RAB10: variants seen among roughly 807,000 people sequenced by gnomAD.
RAB10 encodes the protein RAB10, member RAS oncogene family.
A neutral mutation model predicts 25.7 loss-of-function variants in RAB10; 5 were observed. The observed-to-expected ratio is 0.19, with a 90% CI of 0.10 to 0.41. The LOEUF is 0.41. Among genes scored for constraint, RAB10 ranks in the 10% least tolerant of loss-of-function variants. The pLI, the probability that RAB10 is intolerant of heterozygous loss-of-function variation, is 1.00. For missense variants in RAB10, 103 were observed against 245.8 expected, an observed-to-expected ratio of 0.42 and a Z score of 3.89; for synonymous variants, 89 against 86.4, an observed-to-expected ratio of 1.03 and a Z score of -0.16.
intron 2 of RAB10, among the ~76,000 whole-genome samples, chr2:26,108,706 G>A (rs1667513500): frequency 6.6e-6 from 1 of 151,832 alleles, no homozygotes; most frequent in African/African-American, 2.4e-5. Flanking sequence ...AGTAATATAA[G>A]ATGTTATCAT....
At chr2:26,072,142 GGTGCGGTGGCTCACGCCT>G (rs1666640108) in intron 1 of RAB10, among the ~76,000 whole-genome samples, 1 of 152,168 alleles carries the variant, frequency 6.6e-6, no homozygotes, top group Non-Finnish European at 1.5e-5. Flanking sequence ...AACATGGCTG[GGTGCGGTGGCTCACGCCT>G]GTAATCCCAG....
Position 26,083,596 on chromosome 2 carries a change from C to T in RAB10, c.128-15066C>T, listed in dbSNP as rs148717727. On this transcript the variant is annotated intron_variant, in intron 1 of 5. Transcript: ENST00000264710. ...CTTATGCCACAGCCTCTGCAGTAGC[C>T]GGGATTACAAGTGTGTGCCACCACA... Among the ~76,000 whole-genome samples the T allele has an allele frequency of 5.0e-3, 759 of 152,088 alleles. 5 individuals carry two copies. The highest frequency in any genetic ancestry group is 0.017 in the African/African-American group (718 of 41,480).
At chr2:26,120,918 T>A (rs1180718282) in intron 3 of RAB10, among the ~76,000 whole-genome samples, 2 of 149,768 alleles carry the variant, frequency 1.3e-5, no homozygotes, top group African/African-American at 5.0e-5. Flanking sequence ...ATATTATAAT[T>A]TTTTTTTTCC....
intron 1 of RAB10, among the ~76,000 whole-genome samples, chr2:26,076,947 GA>G (rs796845901): frequency 0.037 from 3,636 of 98,648 alleles, 149 homozygotes; most frequent in African/African-American, 0.11. Context: ...AAAAAAAAGA[GA>G]AAAAAAAAAA....
intron 1 of RAB10, among the ~76,000 whole-genome samples, chr2:26,037,644 A>G (rs1665792317): frequency 6.6e-6 from 1 of 152,200 alleles, no homozygotes; most frequent in South Asian, 2.1e-4. Context: ...TGTCTCAAAA[A>G]AAAAAAAAAG....
At chr2:26,055,596 C>T (rs1666244696) in intron 1 of RAB10, among the ~76,000 whole-genome samples, 1 of 152,040 alleles carries the variant, frequency 6.6e-6, no homozygotes, top group Non-Finnish European at 1.5e-5. Context: ...AACATGTTGT[C>T]CAGGCTGGTC....
intron 3 of RAB10, among the ~76,000 whole-genome samples, chr2:26,118,393 C>T (rs1457644108): frequency 6.6e-6 from 1 of 151,072 alleles, no homozygotes; most frequent in Non-Finnish European, 1.5e-5. Flanking sequence ...CCCACTGTAG[C>T]CCAGACCTCC....
intron 1 of RAB10, among the ~76,000 whole-genome samples, chr2:26,094,654 G>C (rs1667174315): frequency 6.6e-6 from 1 of 152,062 alleles, no homozygotes; most frequent in African/African-American, 2.4e-5. Flanking sequence ...CGCCTCCCGG[G>C]TTCAAGCAAT....
intron 1 of RAB10, among the ~76,000 whole-genome samples, chr2:26,053,829 C>T (rs1271601471): frequency 1.3e-5 from 2 of 151,950 alleles, no homozygotes; most frequent in South Asian, 2.1e-4. Flanking sequence ...AAGCGATTCT[C>T]CTGCCTCAGC....
At chr2:26,113,884 G>A (rs74601329) in intron 3 of RAB10, among the ~76,000 whole-genome samples, 4,387 of 151,870 alleles carry the variant, frequency 0.029, 105 homozygotes, top group Non-Finnish European at 0.047. Flanking sequence ...TAATAAACAA[G>A]TTCAGCAAGG....
intron 1 of RAB10, among the ~76,000 whole-genome samples, chr2:26,051,611 G>A (rs1666134523): frequency 6.6e-6 from 1 of 150,816 alleles, no homozygotes; most frequent in Non-Finnish European, 1.5e-5. Flanking sequence ...AAAAAAAGCC[G>A]GACGTGGTGG....
chr2:26,086,491 C>T (rs1269260617), intron 1 of RAB10, among the ~76,000 whole-genome samples: 1 of 152,090 alleles, frequency 6.6e-6, no homozygotes, highest in Admixed American at 6.6e-5. Context: ...AATTGGAGCC[C>T]TTATACGTTG....
intron 1 of RAB10, among the ~76,000 whole-genome samples, chr2:26,066,217 G>T (rs974220880): frequency 6.6e-6 from 1 of 152,124 alleles, no homozygotes; most frequent in Non-Finnish European, 1.5e-5. Context: ...ATTTCTGCTA[G>T]TGAAGCCAAC....
chr2:26,044,610 A>G (rs1182798705), intron 1 of RAB10, among the ~76,000 whole-genome samples: 1 of 150,812 alleles, frequency 6.6e-6, no homozygotes, highest in African/African-American at 2.4e-5. Context: ...CAGTTGCGTC[A>G]TCTTGGCACA....
At chr2:26,076,246 GATGCCACA>G (rs1666731047) in intron 1 of RAB10, among the ~76,000 whole-genome samples, 2 of 152,184 alleles carry the variant, frequency 1.3e-5, no homozygotes, top group African/African-American at 4.8e-5. Context: ...AATTTCACCT[GATGCCACA>G]AAGCTAGAAT....
intron 1 of RAB10, among the ~76,000 whole-genome samples, chr2:26,057,690 G>A: frequency 7.1e-6 from 1 of 140,044 alleles, no homozygotes; most frequent in African/African-American, 2.6e-5. Context: ...TGACGCGATC[G>A]CTGCTGACTG....
chr2:26,118,610 T>C (rs1277263746), intron 3 of RAB10, among the ~76,000 whole-genome samples: 1 of 152,226 alleles, frequency 6.6e-6, no homozygotes, highest in Admixed American at 6.5e-5. Flanking sequence ...TGATAGACAG[T>C]GATCTCTAAA....
At chr2:26,112,115 CCT>C (rs1025217891) in intron 3 of RAB10, among the ~76,000 whole-genome samples, 22 of 152,174 alleles carry the variant, frequency 1.4e-4, no homozygotes, top group African/African-American at 5.3e-4. Flanking sequence ...GCTTCCATCC[CCT>C]CTCTGGATAC....
intron 1 of RAB10, among the ~76,000 whole-genome samples, chr2:26,074,409 T>A (rs1666689527): frequency 6.6e-6 from 1 of 152,166 alleles, no homozygotes; most frequent in Admixed American, 6.5e-5. Context: ...GTATTTTATT[T>A]TTTTAATTTT....
Sources: allele counts gnomAD v4.1 joint callset (sites outside exome capture counted in the v4.1 genomes callset), GRCh38; gene constraint gnomAD v4.1.1; transcripts MANE v1.5; gene names NCBI Gene and HGNC (gene_info 2026-07-23, HGNC 2026-07-21).